KCNQ1OT1: variants seen among roughly 807,000 people sequenced by gnomAD.
KCNQ1OT1 encodes KCNQ1 antisense RNA 2 (non-protein coding).
chr11:2,666,076 A>G, exon 1 of KCNQ1OT1: 1 of 398,622 alleles, frequency 2.5e-6, no homozygotes, highest in Non-Finnish European at 4.4e-6. Flanking sequence ...TAAGCCCTGC[A>G]GCCTATGGCT....
rs1364024550 is a variant in KCNQ1OT1 at position 2,665,321 on chromosome 11, AAGT to A, written n.34671_34673del. On this transcript the variant is annotated non_coding_transcript_exon_variant, in exon 1 of 1. Coordinates refer to ENST00000597346, the Ensembl canonical transcript of KCNQ1OT1. The stretch of plus-strand genomic sequence containing the variant: ...ACAGGGCTTCTGAGAGAAAGGTGGG[AAGT>A]AGAGACTGTAGGCCTGCATGGGCAG... 3 of 398,092 alleles carry A rather than the reference AAGT, an allele frequency of 7.5e-6. No homozygotes were observed. In the East Asian group the frequency reaches 1.1e-4, roughly 14 times the overall value. The allele number at this position is 398,092 out of a possible 1,614,324, so 24.7% of individuals were successfully genotyped here.
chr11:2,627,266 T>G lies in KCNQ1OT1; in HGVS notation n.72729A>C. 2 of 398,548 alleles carry G rather than the reference T, an allele frequency of 5.0e-6. No homozygotes were observed. The highest frequency in any genetic ancestry group is 1.3e-4 in the South Asian group (1 of 7,854). The allele number at this position is 398,548 out of a possible 1,614,324, so 24.7% of individuals were successfully genotyped here. On this transcript the variant is annotated non_coding_transcript_exon_variant, in exon 1 of 1. Coordinates refer to ENST00000597346, the Ensembl canonical transcript of KCNQ1OT1. The surrounding 1 kb of genome is among the most constrained non-coding windows in gnomAD (Gnocchi z 4.9). ...ACCTACTGTGAAATGATTACTACAATCAAGCCAATTAACATATACCTTACA... is the reference window on the plus strand; with the variant it reads ...ACCTACTGTGAAATGATTACTACAAGCAAGCCAATTAACATATACCTTACA...
exon 1 of KCNQ1OT1, chr11:2,639,275 A>G (rs1306946493): frequency 6.6e-6 from 1 of 151,996 alleles, no homozygotes; most frequent in Admixed American, 6.5e-5. Flanking sequence ...GTTCCTTTGG[A>G]TGGGGAGAGG....
Position 2,669,893 on chromosome 11 carries a change from G to A in KCNQ1OT1, n.30102C>T. The A allele has an allele frequency of 5.0e-6, 2 of 398,622 alleles. No homozygotes were observed. The highest frequency in any genetic ancestry group is 8.8e-6 in the Non-Finnish European group (2 of 226,072). 24.7% of individuals were successfully genotyped at this position (398,622 alleles called of 1,614,324 possible). A position where few individuals can be genotyped will look rare whatever the true frequency, so the allele number is the denominator to read the frequency against. On this transcript the variant is annotated non_coding_transcript_exon_variant, in exon 1 of 1. Coordinates refer to ENST00000597346, the Ensembl canonical transcript of KCNQ1OT1. The surrounding 1 kb of genome is among the most constrained non-coding windows in gnomAD (Gnocchi z 5.6). ...TGTCAGCTGCTGTCCTTAATAAGATGTGCCTAGAGGCCTGAGAGTCCCAAG... is the reference window on the plus strand; with the variant it reads ...TGTCAGCTGCTGTCCTTAATAAGATATGCCTAGAGGCCTGAGAGTCCCAAG...
exon 1 of KCNQ1OT1, chr11:2,675,272 C>T: frequency 2.5e-6 from 1 of 398,542 alleles, no homozygotes. Context: ...GAAGATAACT[C>T]ACCTCTCCCA....
At chr11:2,616,407 T>C (rs1849065019) in exon 1 of KCNQ1OT1, 1 of 398,024 alleles carries the variant, frequency 2.5e-6, no homozygotes, top group East Asian at 3.6e-5. Context: ...TCTCCACTCA[T>C]ACATATTATT....
chr11:2,650,607 A>G (rs1849742254), exon 1 of KCNQ1OT1: 1 of 398,604 alleles, frequency 2.5e-6, no homozygotes, highest in Non-Finnish European at 4.4e-6. Flanking sequence ...CCTTAGAGGT[A>G]CTTACTCCTC....
At chr11:2,685,210 C>T (rs974099770) in exon 1 of KCNQ1OT1, 1 of 398,694 alleles carries the variant, frequency 2.5e-6, no homozygotes, top group Non-Finnish European at 4.4e-6. Flanking sequence ...GCTGGCACAG[C>T]TCACACACGG....
At chr11:2,665,967 C>G in exon 1 of KCNQ1OT1, 1 of 398,660 alleles carries the variant, frequency 2.5e-6, no homozygotes, top group Non-Finnish European at 4.4e-6. Flanking sequence ...CACTGCATCC[C>G]CAACTGCCAA....
Position 2,695,276 on chromosome 11 carries a change from C to A in KCNQ1OT1, n.4719G>T, listed in dbSNP as rs748869373. ...TTCCACTTCATCTCTAGCCTCTATC[C>A]TTGCTCTCCTCCCTACACAAACAGC... On this transcript the variant is annotated non_coding_transcript_exon_variant, in exon 1 of 1. Transcript: ENST00000597346. This position sits in a 1 kb window ranked among gnomAD's most constrained non-coding sequence, Gnocchi z 5.2. 2.5e-5 allele frequency: 10 copies of A among 398,516 alleles called. No homozygotes were observed. The highest frequency in any genetic ancestry group is 4.0e-5 in the Non-Finnish European group (9 of 226,164). The allele number at this position is 398,516 out of a possible 1,614,324, so 24.7% of individuals were successfully genotyped here. A position where few individuals can be genotyped will look rare whatever the true frequency, so the allele number is the denominator to read the frequency against.
In KCNQ1OT1 at chr11:2,698,450, A is replaced by C. The variant is rs1850714911; in HGVS notation, n.1545T>G. 1 of 398,450 alleles carries C rather than the reference A, an allele frequency of 2.5e-6. No homozygotes were observed. Among genetic ancestry groups the C allele is most frequent in the African/African-American group, 2.1e-5 (1 of 48,662 alleles). The allele number at this position is 398,450 out of a possible 1,614,324, so 24.7% of individuals were successfully genotyped here. A position where few individuals can be genotyped will look rare whatever the true frequency, so the allele number is the denominator to read the frequency against. ...GCCTACTACCCAGACTGAGACCTGC[A>C]TCTGATCAACTCTCATCTCCAATAT... On this transcript the variant is annotated non_coding_transcript_exon_variant, in exon 1 of 1. Transcript: ENST00000597346. The surrounding 1 kb of genome is among the most constrained non-coding windows in gnomAD (Gnocchi z 5.1).
rs1848980964 is a variant in KCNQ1OT1, at chr11:2,611,625, T to C, written n.88370A>G. 5.0e-6 allele frequency: 2 copies of C among 398,530 alleles called. No individual in the cohort carries two copies. Among genetic ancestry groups the C allele is most frequent in the African/African-American group, 2.1e-5 (1 of 48,656 alleles). The allele number at this position is 398,530 out of a possible 1,614,324, so 24.7% of individuals were successfully genotyped here. On this transcript the variant is annotated non_coding_transcript_exon_variant, in exon 1 of 1. Coordinates refer to ENST00000597346, the Ensembl canonical transcript of KCNQ1OT1. The surrounding 1 kb of genome is among the most constrained non-coding windows in gnomAD (Gnocchi z 5.3). ...CTTTGAATCTAGAATGTGACTCTTATAGACCATATATATTTGGATCCTGCT... is the reference window on the plus strand; with the variant it reads ...CTTTGAATCTAGAATGTGACTCTTACAGACCATATATATTTGGATCCTGCT...
chr11:2,687,007 G>A lies in KCNQ1OT1; in HGVS notation n.12988C>T, dbSNP rs1015116887. ...ACTGGGCCCTGACTTGCTAAGATGG[G>A]AGCAAGAGCTTAGGGCTAAAACTCA... On this transcript the variant is annotated non_coding_transcript_exon_variant, in exon 1 of 1. Coordinates refer to ENST00000597346, the Ensembl canonical transcript of KCNQ1OT1. The surrounding 1 kb of genome is among the most constrained non-coding windows in gnomAD (Gnocchi z 5.0). 2 of 398,528 alleles carry A rather than the reference G, an allele frequency of 5.0e-6. No individual in the cohort carries two copies. Among genetic ancestry groups the A allele is most frequent in the East Asian group, 7.1e-5 (2 of 28,098 alleles). 24.7% of individuals were successfully genotyped at this position (398,528 alleles called of 1,614,324 possible). A position where few individuals can be genotyped will look rare whatever the true frequency, so the allele number is the denominator to read the frequency against.
chr11:2,692,005 A>G (rs568311932), exon 1 of KCNQ1OT1: 8 of 398,570 alleles, frequency 2.0e-5, no homozygotes, highest in African/African-American at 1.6e-4. Context: ...CCTCAGCACC[A>G]AGGGCTTCCA....
exon 1 of KCNQ1OT1, chr11:2,694,978 G>C (rs1850650633): frequency 1.3e-5 from 5 of 398,598 alleles, no homozygotes; most frequent in Admixed American, 4.4e-5. Context: ...CAAAGAAGAA[G>C]AAGGCTGGCA....
At chr11:2,685,659 C>T (rs1238214278) in exon 1 of KCNQ1OT1, 2 of 398,536 alleles carry the variant, frequency 5.0e-6, no homozygotes, top group Middle Eastern at 6.2e-4. Flanking sequence ...CACACAGGTA[C>T]CAGAAGTTCA....
Position 2,613,845 on chromosome 11 carries a change from T to A in KCNQ1OT1, n.86150A>T, listed in dbSNP as rs1047054278. ...GTAACCAGTTTCAGTGTTTTCTAGT[T>A]TATAGTTTGTGTGTGTTTGCTCTTT... On this transcript the variant is annotated non_coding_transcript_exon_variant, in exon 1 of 1. Transcript: ENST00000597346. The surrounding 1 kb of genome is among the most constrained non-coding windows in gnomAD (Gnocchi z 4.8). The A allele has an allele frequency of 3.0e-5, 12 of 398,452 alleles. No homozygotes were observed. Among genetic ancestry groups the A allele is most frequent in the Admixed American group, 1.3e-4 (3 of 22,722 alleles). The allele number at this position is 398,452 out of a possible 1,614,324, so 24.7% of individuals were successfully genotyped here.
exon 1 of KCNQ1OT1, chr11:2,630,363 A>G (rs10430889): frequency 0.91 from 360,979 of 398,128 alleles, 163,878 homozygotes; most frequent in East Asian, 0.99. Context: ...AATATCAGCC[A>G]GTTATTTTCT....
chr11:2,627,776 G>C lies in KCNQ1OT1; in HGVS notation n.72219C>G, dbSNP rs995301205. The stretch of plus-strand genomic sequence containing the variant: ...TTTTCTTCCTTTCTTTTTGAGACAG[G>C]GTCTCCATCTGTCATCCAGGCAGGA... On this transcript the variant is annotated non_coding_transcript_exon_variant, in exon 1 of 1. Transcript: ENST00000597346. The surrounding 1 kb of genome is among the most constrained non-coding windows in gnomAD (Gnocchi z 4.9). The C allele has an allele frequency of 7.5e-6, 3 of 397,986 alleles. No homozygotes were observed. Among genetic ancestry groups the C allele is most frequent in the African/African-American group, 6.2e-5 (3 of 48,454 alleles). The allele number at this position is 397,986 out of a possible 1,614,324, so 24.7% of individuals were successfully genotyped here. A position where few individuals can be genotyped will look rare whatever the true frequency, so the allele number is the denominator to read the frequency against.
Sources: allele counts gnomAD v4.1 joint callset, GRCh38; gene constraint gnomAD v4.1.1; non-coding constraint Gnocchi (gnomAD v3.1); transcripts MANE v1.5; gene names NCBI Gene and HGNC (gene_info 2026-07-23, HGNC 2026-07-21).